The following BLNK variants were observed in gnomAD, a reference collection of about 807,000 sequenced individuals.
The protein encoded by BLNK is B-cell linker protein.
A neutral mutation model predicts 73.5 loss-of-function variants in BLNK; 29 were observed. The ratio of observed to expected loss-of-function variants is 0.39; its 90% CI spans 0.29 to 0.54. The LOEUF (loss-of-function observed/expected upper bound fraction) is 0.54, where lower values mean the gene tolerates loss of function less well. BLNK is among the 20% of genes least tolerant of loss of function. The pLI, the probability that BLNK is intolerant of heterozygous loss-of-function variation, is 0.61. For synonymous variants in BLNK, 176 were observed against 200.8 expected (o/e 0.88, Z 1.04); for missense variants, 460 against 562.8 (o/e 0.82, Z 1.85).
chr10:96,227,314 G>A (rs1842306935), intron 5 of BLNK, 96 bp downstream of exon 5: 3 of 1,513,820 alleles, frequency 2.0e-6, no homozygotes, highest in South Asian at 1.2e-5. Flanking sequence ...AGGCCCTCAA[G>A]CAGCAGCCAG....
intron 5 of BLNK, among the ~76,000 whole-genome samples, chr10:96,224,590 A>G (rs1490764309): frequency 6.6e-6 from 1 of 152,202 alleles, no homozygotes; most frequent in East Asian, 1.9e-4. Context: ...TCTAAGGCCA[A>G]CTGGATCTGA....
chr10:96,196,468 T>C (rs1035488151), intron 16 of BLNK, among the ~76,000 whole-genome samples: 3 of 152,230 alleles, frequency 2.0e-5, no homozygotes, highest in African/African-American at 2.4e-5. Context: ...ACAAGGGCTA[T>C]AGTCTAATGT....
At chr10:96,212,573 G>GT (rs1554898877) in intron 8 of BLNK, among the ~76,000 whole-genome samples, 1 of 152,142 alleles carries the variant, frequency 6.6e-6, no homozygotes, top group Non-Finnish European at 1.5e-5. Flanking sequence ...CCATTCTACT[G>GT]GCTTCTCAAG....
chr10:96,228,898 A>G (rs11591959), intron 4 of BLNK, among the ~76,000 whole-genome samples: 35,599 of 152,026 alleles, frequency 0.23, 5,051 homozygotes, highest in Middle Eastern at 0.33. Context: ...TTTCATAAGC[A>G]ATTTTATATA....
chr10:96,269,691 G>T (rs1037459794), intron 1 of BLNK, among the ~76,000 whole-genome samples: 1 of 152,124 alleles, frequency 6.6e-6, no homozygotes, highest in East Asian at 1.9e-4. Context: ...AGCATAACCT[G>T]TTCTCCAACT....
chr10:96,222,426 G>A (rs1221106134), intron 6 of BLNK, among the ~76,000 whole-genome samples: 1 of 152,204 alleles, frequency 6.6e-6, no homozygotes, highest in East Asian at 1.9e-4. Flanking sequence ...AAAATGCAGG[G>A]ACCTCTGGGA....
chr10:96,202,285 C>T (rs1394483241), intron 13 of BLNK, among the ~76,000 whole-genome samples: 2 of 152,070 alleles, frequency 1.3e-5, no homozygotes, highest in Non-Finnish European at 2.9e-5. Context: ...GTCATTCCAG[C>T]TGCTGGGCTG....
chr10:96,253,781 C>T (rs953707576), intron 1 of BLNK, among the ~76,000 whole-genome samples: 2 of 151,814 alleles, frequency 1.3e-5, no homozygotes, highest in Non-Finnish European at 2.9e-5. Context: ...TTTGGGAGGC[C>T]AAGGCGGGCC....
At chr10:96,216,067 G>A (rs2084057521) in intron 7 of BLNK, 2 of 167,510 alleles carry the variant, frequency 1.2e-5, no homozygotes, top group African/African-American at 4.8e-5. Context: ...ACTTGTACTG[G>A]ATCATATTCT....
intron 1 of BLNK, among the ~76,000 whole-genome samples, chr10:96,265,513 A>G (rs542012907): frequency 2.6e-4 from 39 of 152,280 alleles, no homozygotes; most frequent in South Asian, 8.3e-4. Context: ...AATGGTGCAT[A>G]TAGTTCATGG....
rs587676350 is a variant in BLNK at position 96,225,458 on chromosome 10, C to T, written c.362-1469G>A. Among the ~76,000 whole-genome samples the T allele has an allele frequency of 4.5e-4, 68 of 152,300 alleles. 1 individual carries two copies. In the South Asian group the frequency reaches 0.013, roughly 30 times the overall value. ...TTCACCTCCGCTGCCTCCTCAGAAG[C>T]CTCTTTCTGGTGGTGTGGCTGTACT... On this transcript the variant is annotated intron_variant, in intron 5 of 16. Coordinates refer to ENST00000224337, the MANE Select transcript of BLNK (RefSeq NM_013314.4).
At chr10:96,226,606 C>T (rs1296519784) in intron 5 of BLNK, among the ~76,000 whole-genome samples, 1 of 152,038 alleles carries the variant, frequency 6.6e-6, no homozygotes, top group African/African-American at 2.4e-5. Context: ...TTTGGGAGGC[C>T]GAGGCGGTTG....
chr10:96,236,243 C>T (rs897206945), intron 3 of BLNK, among the ~76,000 whole-genome samples: 1 of 152,142 alleles, frequency 6.6e-6, no homozygotes, highest in Non-Finnish European at 1.5e-5. Flanking sequence ...CCAGACCCTG[C>T]CCATCTCTCC....
At chr10:96,243,206 C>T (rs1842933688) in intron 2 of BLNK, among the ~76,000 whole-genome samples, 1 of 151,594 alleles carries the variant, frequency 6.6e-6, no homozygotes, top group Non-Finnish European at 1.5e-5. Context: ...CTACAATAAG[C>T]GTTTTGGTTG....
intron 4 of BLNK, among the ~76,000 whole-genome samples, chr10:96,228,544 A>G (rs1357807462): frequency 6.6e-6 from 1 of 152,228 alleles, no homozygotes; most frequent in Non-Finnish European, 1.5e-5. Flanking sequence ...GGCATGAGCC[A>G]CTGCGCCTGG....
At chr10:96,196,044 T>C (rs187970286) in intron 16 of BLNK, among the ~76,000 whole-genome samples, 288 of 152,336 alleles carry the variant, frequency 1.9e-3, no homozygotes, top group African/African-American at 6.8e-3. Context: ...AATCATGACA[T>C]TTTCCAACAA....
At chr10:96,215,701 A>C in intron 7 of BLNK, 1 of 262,740 alleles carries the variant, frequency 3.8e-6, no homozygotes, top group Admixed American at 4.9e-5. Flanking sequence ...GAGGTCTAAG[A>C]GATAAAGGAG....
At chr10:96,205,611 C>T (rs1266416034) in intron 11 of BLNK, among the ~76,000 whole-genome samples, 1 of 152,232 alleles carries the variant, frequency 6.6e-6, no homozygotes, top group African/African-American at 2.4e-5. Context: ...AAACAATGAA[C>T]ACCTTAGGTC....
intron 15 of BLNK, among the ~76,000 whole-genome samples, chr10:96,197,831 G>A (rs369068339): frequency 3.3e-5 from 5 of 151,444 alleles, no homozygotes; most frequent in Non-Finnish European, 7.4e-5. Context: ...CAGAAGAATG[G>A]CGTGAACCCA....
Sources: allele counts gnomAD v4.1 joint callset (sites outside exome capture counted in the v4.1 genomes callset), GRCh38; gene constraint gnomAD v4.1.1; transcripts MANE v1.5; gene names NCBI Gene and HGNC (gene_info 2026-07-23, HGNC 2026-07-21).